STK4: variants seen among roughly 807,000 people sequenced by gnomAD.
The protein encoded by STK4 is serine/threonine-protein kinase 4.
A neutral mutation model predicts 64.9 loss-of-function variants in STK4; 30 were observed. The observed-to-expected ratio is 0.46, with a 90% CI of 0.35 to 0.63. STK4 has a LOEUF of 0.63. STK4 is among the 20% of genes least tolerant of loss of function. The pLI is 0.01. For missense variants in STK4, 466 were observed against 598.5 expected (o/e 0.78, Z 2.31); for synonymous variants, 177 against 199.0 (o/e 0.89, Z 0.93).
chr20:45,036,881 A>T (rs2068536859), intron 10 of STK4, among the ~76,000 whole-genome samples: 1 of 152,160 alleles, frequency 6.6e-6, no homozygotes, highest in African/African-American at 2.4e-5. Flanking sequence ...TCTCCTGTGG[A>T]TAAGGGAGGG....
At chr20:45,024,871 A>G (rs1191019131) in intron 9 of STK4, 102 bp from the exon 10 acceptor site, 3 of 1,168,678 alleles carry the variant, frequency 2.6e-6, no homozygotes, top group Non-Finnish European at 3.3e-6. Context: ...AGAAATATCC[A>G]CTGATCCAGA....
At chr20:45,045,808 T>C (rs904744555) in intron 10 of STK4, among the ~76,000 whole-genome samples, 1 of 151,976 alleles carries the variant, frequency 6.6e-6, no homozygotes, top group African/African-American at 2.4e-5. Context: ...TTTTTTTGTT[T>C]GTTCGTTTGT....
intron 10 of STK4, among the ~76,000 whole-genome samples, chr20:45,069,438 A>G (rs896580494): frequency 6.6e-6 from 1 of 152,202 alleles, no homozygotes; most frequent in African/African-American, 2.4e-5. Flanking sequence ...ATTTCTTATA[A>G]CAGAAGTTCT....
At chr20:44,998,449 G>A (rs2067774264) in intron 7 of STK4, among the ~76,000 whole-genome samples, 1 of 152,158 alleles carries the variant, frequency 6.6e-6, no homozygotes, top group Non-Finnish European at 1.5e-5. Context: ...GTATGAACGT[G>A]ATAAATATTA....
At chr20:45,010,077 A>T (rs1719866209) in intron 9 of STK4, among the ~76,000 whole-genome samples, 1 of 151,462 alleles carries the variant, frequency 6.6e-6, no homozygotes, top group African/African-American at 2.4e-5. Context: ...TTGTTTATTT[A>T]TTTTTTTCTG....
intron 10 of STK4, among the ~76,000 whole-genome samples, chr20:45,071,402 T>C (rs1007138910): frequency 1.3e-5 from 2 of 152,206 alleles, no homozygotes; most frequent in African/African-American, 4.8e-5. Flanking sequence ...ATGAAACTAT[T>C]GTCTGAGCTT....
chr20:45,015,206 A>G (rs2068119289), intron 9 of STK4, among the ~76,000 whole-genome samples: 1 of 152,188 alleles, frequency 6.6e-6, no homozygotes, highest in African/African-American at 2.4e-5. Flanking sequence ...GCTGTTGTCA[A>G]AATGATTTTA....
chr20:45,029,731 G>C lies in STK4; in HGVS notation c.1305+4601G>C, dbSNP rs564312652. 2.6e-5 allele frequency among the ~76,000 whole-genome samples: 4 copies of C among 152,324 alleles called. No homozygotes were observed. In the South Asian group the frequency reaches 6.2e-4, roughly 24 times the overall value. Reference sequence around the variant, plus strand: ...GGAATATCTGGGGACAGCACCCATTGATTGGTGTTTTAACCTGTCCTCCTG... The same window carrying C: ...GGAATATCTGGGGACAGCACCCATTCATTGGTGTTTTAACCTGTCCTCCTG... On this transcript the variant is annotated intron_variant, in intron 10 of 10. Coordinates refer to ENST00000372806, the MANE Select transcript of STK4 (RefSeq NM_006282.5).
In STK4 at chr20:45,000,518, T is replaced by G; in HGVS notation, c.958T>G (p.Ser320Ala). 1 of 1,613,872 alleles carries G rather than the reference T, an allele frequency of 6.2e-7. No homozygotes were observed. The highest frequency in any genetic ancestry group is 8.5e-7 in the Non-Finnish European group (1 of 1,179,870). Residue 320 changes from serine to alanine, a missense_variant and splice_region_variant, in exon 8 of 11, where the codon TCA becomes GCA. Around this residue, in one of 2 missense-constraint regions of STK4, gnomAD observed 276 missense variants for 308.9 expected, o/e 0.89. Transcript: ENST00000372806. ...REVDQDDEEN[S>A]EEDEMDSGTM... ...AGTGGACCAGGACGATGAAGAAAAC[T>G]CAGTGAGTGGCAGCCGTTGCTGTGG...
At chr20:44,983,380 T>C (rs970213026) in intron 4 of STK4, among the ~76,000 whole-genome samples, 5 of 152,132 alleles carry the variant, frequency 3.3e-5, no homozygotes, top group Non-Finnish European at 7.4e-5. Context: ...AGGCGGAGGA[T>C]TGCTTCAGTC....
intron 1 of STK4, chr20:44,967,292 A>G (rs951307125): frequency 2.1e-6 from 2 of 957,452 alleles, no homozygotes; most frequent in Non-Finnish European, 2.5e-6. Context: ...AAATAAGAGG[A>G]TATTTTCGAG....
chr20:45,016,684 G>A (rs905102650), intron 9 of STK4, among the ~76,000 whole-genome samples: 8 of 152,214 alleles, frequency 5.3e-5, no homozygotes, highest in African/African-American at 1.7e-4. Context: ...CCAGATCTCA[G>A]TATAACTTGA....
At chr20:45,012,182 C>T (rs770646735) in intron 9 of STK4, among the ~76,000 whole-genome samples, 1 of 151,900 alleles carries the variant, frequency 6.6e-6, no homozygotes, top group East Asian at 1.9e-4. Flanking sequence ...ACTACAGGCA[C>T]GCACCACCAC....
In STK4 at chr20:44,966,527, G is replaced by C; in HGVS notation, c.-42G>C. On this transcript the variant is annotated 5_prime_UTR_variant, in exon 1 of 11. Coordinates refer to ENST00000372806, the MANE Select transcript of STK4 (RefSeq NM_006282.5). ...GGGCGGGCTCAGGAGGTCCGCGGGA[G>C]GATGGAGCAGTGAGCGGGTCTGGGC... is the stretch of plus-strand genomic sequence containing the variant. The C allele has an allele frequency of 8.0e-7, 1 of 1,255,728 alleles. No homozygotes were observed. The highest frequency in any genetic ancestry group is 1.0e-6 in the Non-Finnish European group (1 of 990,998). 77.8% of individuals were successfully genotyped at this position (1,255,728 alleles called of 1,614,324 possible).
chr20:45,064,532 A>G (rs927576208), intron 10 of STK4, among the ~76,000 whole-genome samples: 1 of 152,196 alleles, frequency 6.6e-6, no homozygotes, highest in Non-Finnish European at 1.5e-5. Flanking sequence ...CAGTATAGCC[A>G]TGTTAACAAT....
chr20:44,988,561 A>ATATATG (rs2067578038), intron 5 of STK4, among the ~76,000 whole-genome samples: 1 of 127,866 alleles, frequency 7.8e-6, no homozygotes, highest in Non-Finnish European at 1.8e-5. Flanking sequence ...ATATATATAT[A>ATATATG]TATATATGTA....
chr20:44,995,331 T>G (rs2145683951), intron 6 of STK4, 74 bp downstream of exon 6: 1 of 1,514,996 alleles, frequency 6.6e-7, no homozygotes, highest in Middle Eastern at 1.8e-4. Context: ...TCAAGCCAGG[T>G]GTTGTGGCTC....
At position 45,040,550 on chromosome 20, in the gene STK4, G is replaced by A. The variant is rs79733422; in HGVS notation, c.1305+15420G>A. Among the ~76,000 whole-genome samples, 663 of 151,832 alleles carry A rather than the reference G, an allele frequency of 4.4e-3. 1 individual carries two copies. Among genetic ancestry groups the A allele is most frequent in the South Asian group, 0.017 (80 of 4,812 alleles). ...ATATACTCCCTGGTAGTTTGTGAGA[G>A]CATCCTTGCTTTCTAGTATGATGAG... On this transcript the variant is annotated intron_variant, in intron 10 of 10. Coordinates refer to ENST00000372806, the MANE Select transcript of STK4 (RefSeq NM_006282.5).
chr20:44,975,456 A>G (rs939983067), intron 2 of STK4: 2 of 772,086 alleles, frequency 2.6e-6, no homozygotes, highest in African/African-American at 3.8e-5. Context: ...GTGTATGAAG[A>G]GAACTTTCTA....
Sources: gnomAD v4.1 joint callset for allele counts (sites outside exome capture counted in the v4.1 genomes callset) on GRCh38, gnomAD v4.1.1 for gene constraint, gnomAD v4.1.1 regional missense constraint, MANE v1.5 for transcripts, NCBI Gene and HGNC (gene_info 2026-07-23, HGNC 2026-07-21) for gene names.